TYR: variants seen among roughly 807,000 people sequenced by gnomAD.
The protein encoded by TYR is LB24-AB.
A neutral mutation model predicts 51.5 loss-of-function variants in TYR; 58 were observed. The observed-to-expected ratio is 1.13, with a 90% CI of 0.91 to 1.40. The LOEUF (loss-of-function observed/expected upper bound fraction) is 1.40. TYR is among the 40% of genes most tolerant of loss of function. The pLI is 0.00. For missense variants in TYR, 732 were observed against 647.4 expected (o/e 1.13, Z -1.42); for synonymous variants, 263 against 235.2 (o/e 1.12, Z -1.08).
At chr11:89,242,082 G>T (rs1447524940) in intron 3 of TYR, among the ~76,000 whole-genome samples, 1 of 152,040 alleles carries the variant, frequency 6.6e-6, no homozygotes, top group East Asian at 1.9e-4. Flanking sequence ...AAAGAGTCAG[G>T]TTGGATACAC....
At chr11:89,261,681 C>T (rs953830811) in intron 3 of TYR, among the ~76,000 whole-genome samples, 10 of 152,090 alleles carry the variant, frequency 6.6e-5, no homozygotes, top group Non-Finnish European at 1.0e-4. Context: ...AAAAAACTTG[C>T]GCAATACTAT....
intron 4 of TYR, among the ~76,000 whole-genome samples, chr11:89,289,604 C>A (rs1269372475): frequency 6.6e-6 from 1 of 151,944 alleles, no homozygotes; most frequent in Admixed American, 6.6e-5. Flanking sequence ...TGCCCCCCAA[C>A]TCCCCGCCTA....
At chr11:89,232,478 T>C (rs1450345415) in intron 3 of TYR, among the ~76,000 whole-genome samples, 1 of 143,034 alleles carries the variant, frequency 7.0e-6, no homozygotes, top group Non-Finnish European at 1.5e-5. Context: ...TTTTCTCTTA[T>C]AAGTGGGAGG....
intron 2 of TYR, among the ~76,000 whole-genome samples, chr11:89,193,692 A>G (rs555026309): frequency 6.7e-4 from 102 of 152,244 alleles, no homozygotes; most frequent in African/African-American, 2.4e-3. Context: ...AATGTGAGAA[A>G]CCATTAAGCT....
intron 1 of TYR, among the ~76,000 whole-genome samples, chr11:89,182,311 T>G (rs1300297454): frequency 6.6e-6 from 1 of 152,216 alleles, no homozygotes; most frequent in Non-Finnish European, 1.5e-5. Context: ...CATAAAATAT[T>G]AAACTCTGCA....
In TYR at chr11:89,178,069, G is replaced by A. The variant is rs775683960; in HGVS notation, c.116G>A (p.Trp39Ter). The change falls in exon 1 of 5, where the codon TGG (tryptophan) becomes TAG (stop). Residue 39 changes from tryptophan (W) to a stop codon, truncating the protein, a stop_gained. Transcript: ENST00000263321. LOFTEE classifies it high-confidence loss of function. ...NLMEKECCPPWSGDRSPCGQL... is the reference protein window; with the variant it reads ...NLMEKECCPP ...ATGGAGAAGGAATGCTGTCCACCGT[G>A]GAGCGGGGACAGGAGTCCCTGTGGC... The A allele has an allele frequency of 1.9e-6, 3 of 1,614,066 alleles. No homozygotes were observed. Among genetic ancestry groups the A allele is most frequent in the Non-Finnish European group, 2.5e-6 (3 of 1,180,016 alleles).
intron 3 of TYR, among the ~76,000 whole-genome samples, chr11:89,246,979 G>A (rs1944274681): frequency 6.6e-6 from 1 of 152,184 alleles, no homozygotes; most frequent in Non-Finnish European, 1.5e-5. Context: ...GGATGGCAGA[G>A]GAGGACCTAT....
At position 89,289,995 on chromosome 11, in the gene TYR, T is replaced by C. The variant is rs115110194; in HGVS notation, c.1366+5041T>C. ...AGGGCTATACATACATTGTCTAGTT[T>C]AATCGCTCCAGGCAGACTCCTAATT... On this transcript the variant is annotated intron_variant, in intron 4 of 4. Transcript: ENST00000263321. 8.5e-3 allele frequency among the ~76,000 whole-genome samples: 1,287 copies of C among 152,190 alleles called. 12 individuals carry two copies. The highest frequency in any genetic ancestry group is 0.028 in the African/African-American group (1,178 of 41,562).
chr11:89,229,395 T>C (rs911934539), intron 3 of TYR, among the ~76,000 whole-genome samples: 5 of 152,010 alleles, frequency 3.3e-5, no homozygotes, highest in African/African-American at 1.2e-4. Flanking sequence ...AAAAGATAAA[T>C]TGAACGCTTT....
chr11:89,248,828 A>T (rs1944298214), intron 3 of TYR, among the ~76,000 whole-genome samples: 1 of 152,194 alleles, frequency 6.6e-6, no homozygotes, highest in Admixed American at 6.6e-5. Context: ...CACAGAGGTG[A>T]CAATGGAGCT....
At chr11:89,265,072 T>C (rs1944510373) in intron 3 of TYR, among the ~76,000 whole-genome samples, 1 of 152,016 alleles carries the variant, frequency 6.6e-6, no homozygotes, top group African/African-American at 2.4e-5. Context: ...ATTTTTTCAA[T>C]GAGTATACCT....
chr11:89,191,090 A>T, intron 1 of TYR, 112 bp from the exon 2 acceptor site: 1 of 903,792 alleles, frequency 1.1e-6, no homozygotes, highest in Non-Finnish European at 1.8e-6. Context: ...TGATTGTAGT[A>T]ATCTCCTCAG....
chr11:89,242,209 T>C (rs1944206016), intron 3 of TYR, among the ~76,000 whole-genome samples: 1 of 152,098 alleles, frequency 6.6e-6, no homozygotes. Context: ...TATCTTTGTT[T>C]GTTTGTTATG....
intron 3 of TYR, among the ~76,000 whole-genome samples, chr11:89,237,321 T>G (rs1944129671): frequency 6.6e-6 from 1 of 152,266 alleles, no homozygotes; most frequent in African/African-American, 2.4e-5. Context: ...CTTCTAGCAG[T>G]TTCACAGTTT....
intron 3 of TYR, among the ~76,000 whole-genome samples, chr11:89,228,489 G>A (rs553211554): frequency 6.6e-6 from 1 of 152,248 alleles, no homozygotes; most frequent in South Asian, 2.1e-4. Context: ...GCAGGAGGAT[G>A]GACACACAGA....
At chr11:89,257,608 T>C (rs966717506) in intron 3 of TYR, among the ~76,000 whole-genome samples, 2 of 152,018 alleles carry the variant, frequency 1.3e-5, no homozygotes, top group Admixed American at 1.3e-4. Flanking sequence ...ATACTGTATA[T>C]GTATACACAC....
chr11:89,195,343 A>T (rs149868295), intron 2 of TYR, among the ~76,000 whole-genome samples: 1 of 152,098 alleles, frequency 6.6e-6, no homozygotes, highest in Non-Finnish European at 1.5e-5. Flanking sequence ...CTTAGATTTC[A>T]TTGCTGAAAT....
At chr11:89,188,987 T>G (rs1565390876) in intron 1 of TYR, among the ~76,000 whole-genome samples, 1 of 151,996 alleles carries the variant, frequency 6.6e-6, no homozygotes, top group Non-Finnish European at 1.5e-5. Flanking sequence ...TGATCAAGGT[T>G]TAGGGAAACC....
intron 2 of TYR, among the ~76,000 whole-genome samples, chr11:89,215,883 T>G (rs774654946): frequency 6.6e-4 from 100 of 152,292 alleles, no homozygotes; most frequent in Non-Finnish European, 9.1e-4. Flanking sequence ...GTGAAGATAA[T>G]ATTTCTGTTC....
Sources: gnomAD v4.1 joint callset for allele counts (sites outside exome capture counted in the v4.1 genomes callset) on GRCh38, gnomAD v4.1.1 for gene constraint, MANE v1.5 for transcripts, NCBI Gene and HGNC (gene_info 2026-07-23, HGNC 2026-07-21) for gene names.